SAMMSON: variants seen among roughly 807,000 people sequenced by gnomAD.
SAMMSON encodes the protein survival associated mitochondrial melanoma specific oncogenic non-coding RNA.
At chr3:70,094,212 C>A (rs1037952745) in intron 4 of SAMMSON, among the ~76,000 whole-genome samples, 2 of 152,120 alleles carry the variant, frequency 1.3e-5, no homozygotes, top group African/African-American at 2.4e-5. Context: ...GCTCTCCATC[C>A]CTATCGGCTC....
intron 3 of SAMMSON, among the ~76,000 whole-genome samples, chr3:70,039,504 G>C (rs1382902410): frequency 6.6e-6 from 1 of 151,580 alleles, no homozygotes; most frequent in Non-Finnish European, 1.5e-5. Context: ...GCTCTCCTGG[G>C]TCTCCAGCCA....
chr3:70,324,675 G>A (rs1375307561), intron 7 of SAMMSON, among the ~76,000 whole-genome samples: 1 of 152,100 alleles, frequency 6.6e-6, no homozygotes, highest in East Asian at 1.9e-4. Flanking sequence ...CTTTTATTGT[G>A]ATGTGATAAT....
intron 4 of SAMMSON, among the ~76,000 whole-genome samples, chr3:70,207,464 C>T (rs184958867): frequency 6.8e-4 from 103 of 152,056 alleles, no homozygotes; most frequent in African/African-American, 2.0e-3. Context: ...GAATTTCTAG[C>T]GAAGTTCTTG....
chr3:70,396,401 T>C (rs1701093623), intron 2 of SAMMSON, among the ~76,000 whole-genome samples: 1 of 152,214 alleles, frequency 6.6e-6, no homozygotes, highest in South Asian at 2.1e-4. Flanking sequence ...TCTTCAGTCA[T>C]GCCTAATGTC....
At chr3:70,268,979 C>T (rs955495708) in intron 6 of SAMMSON, among the ~76,000 whole-genome samples, 3 of 151,936 alleles carry the variant, frequency 2.0e-5, no homozygotes, top group African/African-American at 7.3e-5. Context: ...AAATCTTAAC[C>T]TTCTTGTATA....
chr3:70,023,522 T>A (rs2067024639), intron 3 of SAMMSON, among the ~76,000 whole-genome samples: 1 of 152,154 alleles, frequency 6.6e-6, no homozygotes, highest in African/African-American at 2.4e-5. Flanking sequence ...TTCCTTTATT[T>A]CCTGTAGTCA....
chr3:70,208,088 C>A (rs543872363), intron 4 of SAMMSON, among the ~76,000 whole-genome samples: 1 of 152,074 alleles, frequency 6.6e-6, no homozygotes, highest in Admixed American at 6.6e-5. Context: ...AGAGAGAGGA[C>A]CAGACTGGGT....
intron 7 of SAMMSON, among the ~76,000 whole-genome samples, chr3:70,301,542 A>G (rs1033002766): frequency 6.6e-6 from 1 of 152,078 alleles, no homozygotes; most frequent in African/African-American, 2.4e-5. Flanking sequence ...GGAAATGAAA[A>G]CATTTGTTGA....
intron 9 of SAMMSON, among the ~76,000 whole-genome samples, chr3:70,370,090 T>C (rs925153327): frequency 6.6e-5 from 10 of 151,898 alleles, no homozygotes; most frequent in African/African-American, 2.4e-4. Flanking sequence ...TGACATATTT[T>C]ACTTAACATA....
chr3:70,001,590 G>A (rs1458540389), intron 1 of SAMMSON, among the ~76,000 whole-genome samples: 3 of 152,136 alleles, frequency 2.0e-5, no homozygotes, highest in Non-Finnish European at 4.4e-5. Flanking sequence ...AGTATGTAGA[G>A]GATGCATTTT....
chr3:70,411,528 C>T (rs1701217831), intron 2 of SAMMSON, among the ~76,000 whole-genome samples: 1 of 152,118 alleles, frequency 6.6e-6, no homozygotes, highest in Non-Finnish European at 1.5e-5. Context: ...AACTGGGTAT[C>T]ACAATGATAT....
chr3:70,383,478 C>T (rs1033159360), intron 9 of SAMMSON, among the ~76,000 whole-genome samples: 2 of 151,920 alleles, frequency 1.3e-5, no homozygotes, highest in South Asian at 2.1e-4. Context: ...TGGCCATGAC[C>T]GCTCATGTTC....
rs185671253 is a variant in SAMMSON at position 70,408,660 on chromosome 3, C to A, written n.233+50336C>A. Among the ~76,000 whole-genome samples the A allele has an allele frequency of 1.7e-3, 257 of 152,234 alleles. 1 individual carries two copies. Among genetic ancestry groups the A allele is most frequent in the African/African-American group, 6.0e-3 (250 of 41,544 alleles). Reference sequence around the variant, plus strand: ...ATCACTATCAGGGTTTTGGTCAAAGCCATTCAATGAGTCTCTAGTAAGTTC... The same window carrying A: ...ATCACTATCAGGGTTTTGGTCAAAGACATTCAATGAGTCTCTAGTAAGTTC... On this transcript the variant is annotated intron_variant and non_coding_transcript_variant, in intron 2 of 3. Coordinates refer to the SAMMSON transcript ENST00000641053.
intron 6 of SAMMSON, among the ~76,000 whole-genome samples, chr3:70,252,404 G>C (rs994633535): frequency 6.6e-6 from 1 of 152,130 alleles, no homozygotes. Flanking sequence ...TTGGGGAGTG[G>C]GTCTTAACTG....
intron 9 of SAMMSON, among the ~76,000 whole-genome samples, chr3:70,382,734 A>G (rs1703083296): frequency 6.6e-6 from 1 of 152,116 alleles, no homozygotes; most frequent in Non-Finnish European, 1.5e-5. Flanking sequence ...GCTGTTTGAA[A>G]TGCTGGGATT....
At chr3:70,207,481 A>T (rs1246510568) in intron 4 of SAMMSON, among the ~76,000 whole-genome samples, 1 of 152,034 alleles carries the variant, frequency 6.6e-6, no homozygotes, top group Non-Finnish European at 1.5e-5. Flanking sequence ...CTTGACTGAA[A>T]TTCTGGTTTG....
intron 6 of SAMMSON, chr3:70,272,280 AATC>A (rs1464021174): frequency 3.4e-5 from 5 of 148,040 alleles, no homozygotes; most frequent in African/African-American, 1.3e-4. Context: ...GCTCCTTTGC[AATC>A]ATCACACCCT....
chr3:70,230,577 C>T (rs945844286), intron 4 of SAMMSON, among the ~76,000 whole-genome samples: 3 of 152,096 alleles, frequency 2.0e-5, no homozygotes, highest in African/African-American at 7.2e-5. Context: ...AAATTACTGG[C>T]AGAAGTTGTC....
At chr3:70,434,473 C>A (rs148038180) in intron 2 of SAMMSON, among the ~76,000 whole-genome samples, 112 of 152,004 alleles carry the variant, frequency 7.4e-4, no homozygotes, top group African/African-American at 2.1e-3. Context: ...AATCTTATTC[C>A]CTGCAAACTT....
Sources: allele counts gnomAD v4.1 joint callset (sites outside exome capture counted in the v4.1 genomes callset), GRCh38; gene constraint gnomAD v4.1.1; transcripts MANE v1.5; gene names NCBI Gene and HGNC (gene_info 2026-07-23, HGNC 2026-07-21).